The following GALNTL6 variants were observed in gnomAD, a reference collection of about 807,000 sequenced individuals.
The protein encoded by GALNTL6 is polypeptide N-acetylgalactosaminyltransferase like 6.
Under a neutral mutation model 73.7 loss-of-function variants are expected in GALNTL6, and 46 were observed. The observed-to-expected ratio is 0.62, with a 90% CI of 0.49 to 0.80. The LOEUF (loss-of-function observed/expected upper bound fraction) is 0.80, where lower values mean the gene tolerates loss of function less well. Among genes scored for constraint, GALNTL6 ranks in the 30% least tolerant of loss-of-function variants. The pLI is 0.00. For synonymous variants in GALNTL6, 259 were observed against 263.7 expected (o/e 0.98, Z 0.17); for missense variants, 604 against 755.0 (o/e 0.80, Z 2.34).
chr4:172,339,255 CA>C, intron 4 of GALNTL6, among the ~76,000 whole-genome samples: 1 of 128,474 alleles, frequency 7.8e-6, no homozygotes, highest in East Asian at 2.3e-4. Context: ...CACACACACA[CA>C]CCACACACAC....
At chr4:171,828,018 A>G (rs1341025372) in intron 2 of GALNTL6, among the ~76,000 whole-genome samples, 1 of 152,226 alleles carries the variant, frequency 6.6e-6, no homozygotes, top group East Asian at 1.9e-4. Flanking sequence ...TACCATAAAA[A>G]TACACAAAAA....
chr4:172,451,711 A>G (rs1237700093), intron 5 of GALNTL6, among the ~76,000 whole-genome samples: 1 of 152,178 alleles, frequency 6.6e-6, no homozygotes, highest in African/African-American at 2.4e-5. Flanking sequence ...ATTTAAAAAC[A>G]TGTATGTAAG....
chr4:172,365,090 G>A (rs1327208061), intron 5 of GALNTL6, among the ~76,000 whole-genome samples: 1 of 152,192 alleles, frequency 6.6e-6, no homozygotes, highest in Non-Finnish European at 1.5e-5. Context: ...TTATTTTGGA[G>A]AATAAATCTG....
chr4:171,818,746 G>T (rs752007451), intron 2 of GALNTL6, among the ~76,000 whole-genome samples: 7 of 151,634 alleles, frequency 4.6e-5, no homozygotes, highest in Non-Finnish European at 7.4e-5. Flanking sequence ...AATATTGTGG[G>T]GTAATGCATT....
chr4:172,103,886 G>A (rs1384866739), intron 2 of GALNTL6, among the ~76,000 whole-genome samples: 3 of 151,986 alleles, frequency 2.0e-5, no homozygotes, highest in Non-Finnish European at 4.4e-5. Context: ...TTATCCAAAA[G>A]CAGATACTTT....
chr4:172,331,981 C>T (rs1277109744), intron 4 of GALNTL6, among the ~76,000 whole-genome samples: 6 of 152,006 alleles, frequency 3.9e-5, no homozygotes, highest in Admixed American at 3.9e-4. Flanking sequence ...ATTTTTTATT[C>T]CCCAGACTAA....
chr4:172,461,532 C>T lies in GALNTL6; in HGVS notation c.553+112843C>T, dbSNP rs147298160. ...CTACTGCTTCTTGTTGTAGACACTG[C>T]TCCTCTCGCCACTTTTATTGCAGGG... On this transcript the variant is annotated intron_variant, in intron 5 of 12. Transcript: ENST00000506823. Among the ~76,000 whole-genome samples, 52 of 152,262 alleles carry T rather than the reference C, an allele frequency of 3.4e-4. 1 individual carries two copies. Among genetic ancestry groups the T allele is most frequent in the Non-Finnish European group, 6.9e-4 (47 of 68,018 alleles).
chr4:171,883,986 C>T (rs1298920457), intron 2 of GALNTL6, among the ~76,000 whole-genome samples: 1 of 152,188 alleles, frequency 6.6e-6, no homozygotes, highest in Non-Finnish European at 1.5e-5. Context: ...TGTTCAATCT[C>T]TCACAAAAAT....
intron 5 of GALNTL6, among the ~76,000 whole-genome samples, chr4:172,521,626 G>A (rs913321019): frequency 1.3e-5 from 2 of 152,098 alleles, no homozygotes; most frequent in Non-Finnish European, 2.9e-5. Flanking sequence ...TGTCACTTCA[G>A]GATAATATCA....
intron 12 of GALNTL6, among the ~76,000 whole-genome samples, chr4:173,033,301 C>T (rs1262941376): frequency 1.3e-5 from 2 of 151,472 alleles, no homozygotes; most frequent in East Asian, 3.9e-4. Flanking sequence ...CTGTGCCCAG[C>T]CAAGAAACAT....
intron 2 of GALNTL6, among the ~76,000 whole-genome samples, chr4:172,160,891 G>T (rs1044998831): frequency 1.8e-5 from 2 of 110,914 alleles, no homozygotes; most frequent in Non-Finnish European, 3.8e-5. Context: ...TATATATATA[G>T]ACACACACAC....
chr4:172,103,771 G>T (rs1473955346), intron 2 of GALNTL6, among the ~76,000 whole-genome samples: 2 of 152,126 alleles, frequency 1.3e-5, no homozygotes, highest in Non-Finnish European at 2.9e-5. Flanking sequence ...CCTATACAAA[G>T]TTACGGTGAT....
chr4:172,395,180 T>G (rs761460695), intron 5 of GALNTL6, among the ~76,000 whole-genome samples: 6 of 152,158 alleles, frequency 3.9e-5, no homozygotes, highest in Non-Finnish European at 8.8e-5. Context: ...TCACTACCAT[T>G]CCTTAGTCAA....
At chr4:171,954,611 T>G (rs1166074361) in intron 2 of GALNTL6, among the ~76,000 whole-genome samples, 2 of 152,186 alleles carry the variant, frequency 1.3e-5, no homozygotes, top group African/African-American at 4.8e-5. Context: ...TTCTAAATAT[T>G]CATTAAAATA....
At chr4:172,934,427 G>GA (rs202037662) in intron 9 of GALNTL6, among the ~76,000 whole-genome samples, 16 of 148,308 alleles carry the variant, frequency 1.1e-4, no homozygotes, top group East Asian at 3.9e-4. Flanking sequence ...TTTTTTCATT[G>GA]AAAAAAAAAT....
chr4:172,583,821 C>T lies in GALNTL6; in HGVS notation c.554-225540C>T, dbSNP rs1737290356. Among the ~76,000 whole-genome samples the T allele has an allele frequency of 2.8e-5, 4 of 142,886 alleles. No individual in the cohort carries two copies. In the South Asian group the frequency reaches 8.7e-4, roughly 31 times the overall value. The allele number at this position is 142,886 out of a possible 152,430, so 93.7% of individuals were successfully genotyped here. ...CTGAGGCAGGAGAAACACTTGAACC[C>T]AGGAGGTGGAGGTTGCAGCCGAGAT... is the stretch of plus-strand genomic sequence containing the variant. On this transcript the variant is annotated intron_variant, in intron 5 of 12. Coordinates refer to ENST00000506823, the MANE Select transcript of GALNTL6 (RefSeq NM_001034845.3).
chr4:171,974,805 C>T (rs757302425), intron 2 of GALNTL6, among the ~76,000 whole-genome samples: 18 of 152,096 alleles, frequency 1.2e-4, no homozygotes, highest in South Asian at 4.2e-4. Context: ...ATAAAAATTA[C>T]GTAATTTTTG....
intron 5 of GALNTL6, among the ~76,000 whole-genome samples, chr4:172,609,625 C>CTCTCTGTGTGTGTGTGTGTGTGTG (rs753051714): frequency 1.1e-5 from 1 of 92,778 alleles, no homozygotes; most frequent in Non-Finnish European, 2.0e-5. Context: ...CTCTCTCTCT[C>CTCTCTGTGTGTGTGTGTGTGTGTG]TGTGTGTGTG....
intron 2 of GALNTL6, among the ~76,000 whole-genome samples, chr4:171,942,036 G>A (rs750714641): frequency 1.3e-5 from 2 of 152,018 alleles, no homozygotes; most frequent in African/African-American, 4.8e-5. Context: ...GCCCTTTAGT[G>A]TCATTTTATT....
Sources: gnomAD v4.1 joint callset for allele counts (sites outside exome capture counted in the v4.1 genomes callset) on GRCh38, gnomAD v4.1.1 for gene constraint, MANE v1.5 for transcripts, NCBI Gene and HGNC (gene_info 2026-07-23, HGNC 2026-07-21) for gene names.